The following CCDC126 variants were observed in gnomAD, a reference collection of about 807,000 sequenced individuals.
The protein encoded by CCDC126 is coiled-coil domain-containing protein 126.
A neutral mutation model predicts 11.7 loss-of-function variants in CCDC126; 5 were observed. That is an observed-to-expected ratio of 0.43 (90% CI 0.22 to 0.90). The LOEUF is 0.90. Ranked by LOEUF, CCDC126 falls within the 40% of genes least tolerant of loss-of-function variation. The pLI, the probability that CCDC126 is intolerant of heterozygous loss-of-function variation, is 0.27. For synonymous variants in CCDC126, 60 were observed against 61.9 expected, an observed-to-expected ratio of 0.97 and a Z score of 0.14; for missense variants, 150 against 163.1, an observed-to-expected ratio of 0.92 and a Z score of 0.44.
intron 3 of CCDC126, among the ~76,000 whole-genome samples, chr7:23,617,660 A>AC (rs1001987728): frequency 2.0e-5 from 3 of 152,156 alleles, no homozygotes; most frequent in African/African-American, 7.2e-5. Context: ...ACAGTGCTCC[A>AC]CAAGACTGCC....
chr7:23,614,133 G>A (rs1156343723), intron 3 of CCDC126, among the ~76,000 whole-genome samples: 1 of 152,090 alleles, frequency 6.6e-6, no homozygotes, highest in Non-Finnish European at 1.5e-5. Context: ...TTTTTTTGTA[G>A]CATGGATTAT....
chr7:23,638,709 CAATAAAAAAAAAAA>C (rs1360409347), intron 3 of CCDC126, among the ~76,000 whole-genome samples: 6 of 32,652 alleles, frequency 1.8e-4, no homozygotes, highest in Non-Finnish European at 2.7e-4. Flanking sequence ...CAAGAATGAT[CAATAAAAAAAAAAA>C]AATTAAAAAA....
intron 3 of CCDC126, among the ~76,000 whole-genome samples, chr7:23,638,726 T>TTAAAAAAAAAAAAAAAAAAAA (rs1491032135): frequency 2.6e-5 from 1 of 39,212 alleles, no homozygotes; most frequent in African/African-American, 1.4e-4. Context: ...AAAAAAAAAA[T>TTAAAAAAAAAAAAAAAAAAAA]TAAAAAAAAA....
rs1229886078 is a variant in CCDC126, at chr7:23,631,760, C to CA, written c.239-11160dup. Among the ~76,000 whole-genome samples, 355 of 131,834 alleles carry CA rather than the reference C, an allele frequency of 2.7e-3. 3 individuals carry two copies. Among genetic ancestry groups the CA allele is most frequent in the Middle Eastern group, 4.1e-3 (1 of 242 alleles). The allele number at this position is 131,834 out of a possible 152,430, so 86.5% of individuals were successfully genotyped here. A position where few individuals can be genotyped will look rare whatever the true frequency, so the allele number is the denominator to read the frequency against. On this transcript the variant is annotated intron_variant, in intron 3 of 3. Coordinates refer to ENST00000307471, the MANE Select transcript of CCDC126 (RefSeq NM_138771.4). ...TGGGTGACAGAGGGAGACCCTGTCT[C>CA]AAAAAAAAAAAGAAATTTAATTTAT...
chr7:23,643,717 A>T lies in CCDC126; in HGVS notation c.*602A>T, dbSNP rs1783407709. On this transcript the variant is annotated 3_prime_UTR_variant, in exon 4 of 4. Coordinates refer to ENST00000307471, the MANE Select transcript of CCDC126 (RefSeq NM_138771.4). ...TGAAGGTTAATTATTGTATATTTTT[A>T]AAAATTACACTTATAAGAGTATAAT... 2 of 152,604 alleles carry T rather than the reference A, an allele frequency of 1.3e-5. No homozygotes were observed. The highest frequency in any genetic ancestry group is 2.9e-5 in the Non-Finnish European group (2 of 68,008). 9.5% of individuals were successfully genotyped at this position (152,604 alleles called of 1,614,324 possible). A position where few individuals can be genotyped will look rare whatever the true frequency, so the allele number is the denominator to read the frequency against.
chr7:23,597,412 G>A lies in CCDC126; in HGVS notation c.-424G>A, dbSNP rs1194817387. ...GGAGCGGAAGCCGAGTGCGAGGGAC[G>A]AGCGGAGTAAAATCTCCACAAGCTG... On this transcript the variant is annotated 5_prime_UTR_variant, in exon 1 of 4. Coordinates refer to ENST00000307471, the MANE Select transcript of CCDC126 (RefSeq NM_138771.4). 1 of 152,746 alleles carries A rather than the reference G, an allele frequency of 6.5e-6. No homozygotes were observed. Among genetic ancestry groups the A allele is most frequent in the Non-Finnish European group, 1.5e-5 (1 of 68,508 alleles). 9.5% of individuals were successfully genotyped at this position (152,746 alleles called of 1,614,324 possible).
At chr7:23,634,415 A>G (rs1402580169) in intron 3 of CCDC126, among the ~76,000 whole-genome samples, 2 of 152,222 alleles carry the variant, frequency 1.3e-5, no homozygotes. Context: ...TGATTGTGCT[A>G]TTGCACTCCA....
chr7:23,613,200 A>G (rs541237015), intron 3 of CCDC126, among the ~76,000 whole-genome samples: 1 of 152,186 alleles, frequency 6.6e-6, no homozygotes, highest in East Asian at 1.9e-4. Context: ...AGTTCCAGCT[A>G]CTTGGGAGGT....
At chr7:23,640,831 C>T (rs1199055019) in intron 3 of CCDC126, among the ~76,000 whole-genome samples, 1 of 152,068 alleles carries the variant, frequency 6.6e-6, no homozygotes, top group Non-Finnish European at 1.5e-5. Flanking sequence ...ATTCCTTTTT[C>T]TGGCTGAATA....
intron 3 of CCDC126, among the ~76,000 whole-genome samples, chr7:23,642,564 A>T (rs1444154503): frequency 2.0e-5 from 3 of 152,018 alleles, no homozygotes; most frequent in African/African-American, 7.3e-5. Context: ...GGAGTTCAAG[A>T]GCAGCCCGGC....
intron 2 of CCDC126, among the ~76,000 whole-genome samples, chr7:23,607,898 C>A (rs1404837173): frequency 6.6e-6 from 1 of 152,196 alleles, no homozygotes; most frequent in African/African-American, 2.4e-5. Context: ...AGGGTTGCAA[C>A]CTGCACGGTG....
chr7:23,640,992 G>GTTT (rs70954400), intron 3 of CCDC126, among the ~76,000 whole-genome samples: 1 of 123,228 alleles, frequency 8.1e-6, no homozygotes, highest in Non-Finnish European at 1.7e-5. Flanking sequence ...AATCCTTTTG[G>GTTT]TTTTTTTTTT....
chr7:23,617,960 A>G (rs949059821), intron 3 of CCDC126, among the ~76,000 whole-genome samples: 1 of 152,182 alleles, frequency 6.6e-6, no homozygotes, highest in Admixed American at 6.5e-5. Context: ...TTCCCTACAG[A>G]TACAGAGAGC....
intron 3 of CCDC126, among the ~76,000 whole-genome samples, chr7:23,623,140 ATTTT>A (rs34633589): frequency 7.4e-6 from 1 of 135,272 alleles, no homozygotes; most frequent in Non-Finnish European, 1.6e-5. Context: ...TGCCCAGCTG[ATTTT>A]TTTTTTTTTT....
chr7:23,642,067 A>C (rs1014628615), intron 3 of CCDC126, among the ~76,000 whole-genome samples: 1 of 152,180 alleles, frequency 6.6e-6, no homozygotes, highest in Non-Finnish European at 1.5e-5. Flanking sequence ...GCTGGAGTGC[A>C]GTGGCGCTAT....
Position 23,597,624 on chromosome 7 carries a change from G to A in CCDC126, c.-231+19G>A, listed in dbSNP as rs1782441101. Reference sequence around the variant, plus strand: ...CGGCCAGGTAATGAGTAAGGGGCGAGTCCGCCAGCCGGGCCCGCACCTCTC... The same window carrying A: ...CGGCCAGGTAATGAGTAAGGGGCGAATCCGCCAGCCGGGCCCGCACCTCTC... On this transcript the variant is annotated intron_variant, in intron 1 of 3. Transcript: ENST00000307471. The A allele has an allele frequency of 6.6e-6, 1 of 152,378 alleles. No homozygotes were observed. The highest frequency in any genetic ancestry group is 2.0e-4 in the South Asian group (1 of 5,008). The allele number at this position is 152,378 out of a possible 1,614,324, so 9.4% of individuals were successfully genotyped here. A position where few individuals can be genotyped will look rare whatever the true frequency, so the allele number is the denominator to read the frequency against.
At chr7:23,640,623 T>C (rs1196000370) in intron 3 of CCDC126, among the ~76,000 whole-genome samples, 1 of 152,172 alleles carries the variant, frequency 6.6e-6, no homozygotes, top group Non-Finnish European at 1.5e-5. Context: ...TCTATAAAAT[T>C]TGAGCAGTAA....
chr7:23,622,235 A>G (rs1782917358), intron 3 of CCDC126, among the ~76,000 whole-genome samples: 1 of 152,190 alleles, frequency 6.6e-6, no homozygotes. Flanking sequence ...TTGGTAAGCT[A>G]TTAATTATTG....
At chr7:23,619,586 T>G in intron 3 of CCDC126, 1 of 214,906 alleles carries the variant, frequency 4.7e-6, no homozygotes, top group African/African-American at 2.4e-5. Context: ...TTAAGAAAAA[T>G]ATATTTTTAT....
Sources: allele counts gnomAD v4.1 joint callset (sites outside exome capture counted in the v4.1 genomes callset), GRCh38; gene constraint gnomAD v4.1.1; transcripts MANE v1.5; gene names NCBI Gene and HGNC (gene_info 2026-07-23, HGNC 2026-07-21).